The following CADM2 variants were observed in gnomAD, a reference collection of about 807,000 sequenced individuals.
The protein encoded by CADM2 is cell adhesion molecule 2, also known as immunoglobulin superfamily member 4D.
A neutral mutation model predicts 49.8 loss-of-function variants in CADM2; 12 were observed. The ratio of observed to expected loss-of-function variants is 0.24; its 90% CI spans 0.15 to 0.39. The LOEUF is 0.39. Ranked by LOEUF, CADM2 falls within the 10% of genes least tolerant of loss-of-function variation. The pLI is 1.00. For synonymous variants in CADM2, 214 were observed against 175.4 expected, an observed-to-expected ratio of 1.22 and a Z score of -1.74; for missense variants, 378 against 492.3, an observed-to-expected ratio of 0.77 and a Z score of 2.20.
At chr3:85,295,407 G>T (rs2043931142) in intron 1 of CADM2, among the ~76,000 whole-genome samples, 1 of 152,156 alleles carries the variant, frequency 6.6e-6, no homozygotes, top group African/African-American at 2.4e-5. Context: ...TCTAGAACTA[G>T]AAATACCATT....
chr3:85,989,271 A>G (rs549149318), intron 8 of CADM2, among the ~76,000 whole-genome samples: 29 of 152,288 alleles, frequency 1.9e-4, no homozygotes, highest in Non-Finnish European at 3.2e-4. Context: ...CTACAGTAAG[A>G]TGCTATTAGC....
At chr3:85,084,823 T>C (rs1167474567) in intron 1 of CADM2, among the ~76,000 whole-genome samples, 1 of 152,132 alleles carries the variant, frequency 6.6e-6, no homozygotes, top group Non-Finnish European at 1.5e-5. Context: ...AATTTCAATA[T>C]TAGGTTGCTC....
intron 1 of CADM2, among the ~76,000 whole-genome samples, chr3:85,259,012 G>A (rs1201295204): frequency 2.0e-5 from 3 of 152,100 alleles, no homozygotes; most frequent in Non-Finnish European, 4.4e-5. Flanking sequence ...TATTCAATGA[G>A]GACTGGCGTA....
intron 1 of CADM2, among the ~76,000 whole-genome samples, chr3:85,118,752 T>C (rs2038737987): frequency 6.6e-6 from 1 of 152,176 alleles, no homozygotes; most frequent in Non-Finnish European, 1.5e-5. Flanking sequence ...TATTTATTTA[T>C]TTACTTATTT....
At chr3:85,753,069 G>A (rs1243645223) in intron 2 of CADM2, among the ~76,000 whole-genome samples, 1 of 151,962 alleles carries the variant, frequency 6.6e-6, no homozygotes, top group African/African-American at 2.4e-5. Context: ...TATGATTGAT[G>A]ATATCGTTTT....
chr3:85,384,293 A>C (rs1238116857), intron 1 of CADM2, among the ~76,000 whole-genome samples: 1 of 151,962 alleles, frequency 6.6e-6, no homozygotes, highest in Non-Finnish European at 1.5e-5. Context: ...TTGGGTGTTA[A>C]ATTTTTCTTT....
intron 1 of CADM2, among the ~76,000 whole-genome samples, chr3:85,521,222 C>G (rs924858565): frequency 6.6e-6 from 1 of 152,104 alleles, no homozygotes; most frequent in African/African-American, 2.4e-5. Context: ...TTTGCATTCT[C>G]ACCTCAGCTT....
At chr3:85,312,718 G>A (rs2044376184) in intron 1 of CADM2, among the ~76,000 whole-genome samples, 1 of 151,996 alleles carries the variant, frequency 6.6e-6, no homozygotes, top group Admixed American at 6.6e-5. Flanking sequence ...CTCCCTAACA[G>A]CAACTTCAAA....
intron 1 of CADM2, among the ~76,000 whole-genome samples, chr3:85,543,420 A>ATGTGTGTGTGTG (rs34654299): frequency 3.9e-5 from 5 of 129,642 alleles, no homozygotes; most frequent in East Asian, 2.7e-4. Context: ...TGCCAAGCTA[A>ATGTGTGTGTGTG]TGTGTGTGTG....
chr3:85,186,463 T>TA (rs1325389963), intron 1 of CADM2, among the ~76,000 whole-genome samples: 1 of 152,192 alleles, frequency 6.6e-6, no homozygotes, highest in Non-Finnish European at 1.5e-5. Flanking sequence ...AACTTGTAGA[T>TA]ACATTTTAAC....
At chr3:85,774,819 CACTCG>C (rs1408083935) in intron 2 of CADM2, among the ~76,000 whole-genome samples, 1 of 151,662 alleles carries the variant, frequency 6.6e-6, no homozygotes, top group Non-Finnish European at 1.5e-5. Context: ...CCTATGAAAA[CACTCG>C]GAAAGTAGCA....
At chr3:85,818,139 C>T (rs953185028) in intron 3 of CADM2, among the ~76,000 whole-genome samples, 2 of 152,174 alleles carry the variant, frequency 1.3e-5, no homozygotes, top group South Asian at 2.1e-4. Flanking sequence ...GTTCTTAGTG[C>T]TGTAACTACA....
At chr3:85,047,296 G>A (rs1031177617) in intron 1 of CADM2, among the ~76,000 whole-genome samples, 1 of 152,014 alleles carries the variant, frequency 6.6e-6, no homozygotes, top group Admixed American at 6.6e-5. Context: ...TGACCTACCA[G>A]TTCTTTATAC....
At chr3:85,802,669 T>A (rs2072123355) in intron 3 of CADM2, among the ~76,000 whole-genome samples, 1 of 152,128 alleles carries the variant, frequency 6.6e-6, no homozygotes, top group Non-Finnish European at 1.5e-5. Flanking sequence ...TTGAAGTATT[T>A]CATGTTTCCA....
At chr3:85,168,788 G>T (rs899320118) in intron 1 of CADM2, among the ~76,000 whole-genome samples, 1 of 152,082 alleles carries the variant, frequency 6.6e-6, no homozygotes, top group African/African-American at 2.4e-5. Context: ...AATCATCATA[G>T]TTATCATTTT....
At chr3:86,013,648 TAGC>T in intron 8 of CADM2, 5 of 1,603,208 alleles carry the variant, frequency 3.1e-6, no homozygotes, top group Non-Finnish European at 1.7e-6. Context: ...GTAGTGGACA[TAGC>T]AGGGGAAGAG....
chr3:85,665,870 G>A lies in CADM2; in HGVS notation c.62-60652G>A, dbSNP rs563480763. On this transcript the variant is annotated intron_variant, in intron 1 of 9. Coordinates refer to ENST00000383699, the MANE Select transcript of CADM2 (RefSeq NM_001167675.2). ...CTTATTATGGGATCCAGAGCAATAA[G>A]TAATAATGAGAAAGGCTTTTTTTTT... Among the ~76,000 whole-genome samples, 15 of 151,992 alleles carry A rather than the reference G, an allele frequency of 9.9e-5. No individual in the cohort carries two copies. The South Asian group carries it at 3.1e-3, about 31-fold the overall frequency.
chr3:85,935,972 A>T (rs761406237), intron 7 of CADM2, 115 bp downstream of exon 7: 26 of 555,312 alleles, frequency 4.7e-5, no homozygotes, highest in Middle Eastern at 3.6e-4. Context: ...GGGCAAAGTG[A>T]TCTCTAGAAC....
At chr3:86,051,722 C>T (rs1449846722) in intron 8 of CADM2, among the ~76,000 whole-genome samples, 1 of 152,118 alleles carries the variant, frequency 6.6e-6, no homozygotes, top group African/African-American at 2.4e-5. Context: ...CAGAACTTCA[C>T]ATGGCAGGTG....
Sources: gnomAD v4.1 joint callset for allele counts (sites outside exome capture counted in the v4.1 genomes callset) on GRCh38, gnomAD v4.1.1 for gene constraint, MANE v1.5 for transcripts, NCBI Gene and HGNC (gene_info 2026-07-23, HGNC 2026-07-21) for gene names.